The following GNAL variants were observed in gnomAD, a reference collection of about 807,000 sequenced individuals.
GNAL encodes guanine nucleotide-binding protein G(olf) subunit alpha.
Under a neutral mutation model 55.1 loss-of-function variants are expected in GNAL, and 18 were observed. That is an observed-to-expected ratio of 0.33 (90% confidence interval 0.23 to 0.48). The LOEUF (loss-of-function observed/expected upper bound fraction) is 0.48, where lower values mean the gene tolerates loss of function less well. Ranked by LOEUF, GNAL falls within the 20% of genes least tolerant of loss-of-function variation. The pLI is 0.99. For missense variants in GNAL, 412 were observed against 614.1 expected, an observed-to-expected ratio of 0.67 and a Z score of 3.48; for synonymous variants, 253 against 237.0, an observed-to-expected ratio of 1.07 and a Z score of -0.62.
intron 1 of GNAL, among the ~76,000 whole-genome samples, chr18:11,690,589 C>T (rs980689450): frequency 3.9e-4 from 57 of 147,470 alleles, no homozygotes; most frequent in African/African-American, 1.3e-3. Context: ...AGGTATATCT[C>T]CTAAAGCTAT....
At chr18:11,784,667 G>C (rs1361596183) in intron 4 of GNAL, among the ~76,000 whole-genome samples, 4 of 152,214 alleles carry the variant, frequency 2.6e-5, no homozygotes, top group African/African-American at 9.6e-5. Flanking sequence ...AAGTCAAGAA[G>C]TTGGCTGTGG....
rs2034293044 is a variant in GNAL at position 11,793,559 on chromosome 18, A to G, written c.625-31359A>G. On this transcript the variant is annotated intron_variant, in intron 4 of 11. Coordinates refer to ENST00000334049, the MANE Select transcript of GNAL (RefSeq NM_182978.4). ...ATTGTGCCACCACATTGCAGCCTGA[A>G]CAATAGAGCAAGATCCTGTCTCTAA... is the stretch of plus-strand genomic sequence containing the variant. 1.3e-5 allele frequency among the ~76,000 whole-genome samples: 2 copies of G among 150,860 alleles called. 1 individual carries two copies. Among genetic ancestry groups the G allele is most frequent in the South Asian group, 4.2e-4 (2 of 4,796 alleles).
At chr18:11,875,993 C>T (rs2036523227) in intron 10 of GNAL, among the ~76,000 whole-genome samples, 1 of 152,136 alleles carries the variant, frequency 6.6e-6, no homozygotes, top group Non-Finnish European at 1.5e-5. Flanking sequence ...GATATAATCC[C>T]ATCCATGAAG....
At chr18:11,852,447 GT>G in intron 5 of GNAL, 1 of 265,982 alleles carries the variant, frequency 3.8e-6, no homozygotes, top group Non-Finnish European at 7.8e-6. Context: ...AAGGTGGTTG[GT>G]TTTTATTATT....
chr18:11,793,761 T>C (rs560127208), intron 4 of GNAL, among the ~76,000 whole-genome samples: 4 of 151,046 alleles, frequency 2.6e-5, no homozygotes, highest in African/African-American at 7.3e-5. Context: ...GTGCCTCTAC[T>C]AAAAATAAAA....
intron 1 of GNAL, among the ~76,000 whole-genome samples, chr18:11,736,561 T>C (rs886170762): frequency 3.9e-5 from 6 of 152,192 alleles, no homozygotes; most frequent in African/African-American, 1.4e-4. Context: ...TTGCAGAAGG[T>C]GCTTGGTGTG....
In GNAL at chr18:11,884,372, C is replaced by T; in HGVS notation, c.*3237C>T. ...ACGGCCTGTAATTGGTCTCATCATCCACTTGATTCTAACATGATCTCTGCC... is the reference window on the plus strand; with the variant it reads ...ACGGCCTGTAATTGGTCTCATCATCTACTTGATTCTAACATGATCTCTGCC... On this transcript the variant is annotated 3_prime_UTR_variant, in exon 12 of 12. Coordinates refer to ENST00000334049, the MANE Select transcript of GNAL (RefSeq NM_182978.4). The T allele has an allele frequency of 6.9e-7, 1 of 1,454,738 alleles. No homozygotes were observed. Among genetic ancestry groups the T allele is most frequent in the South Asian group, 1.2e-5 (1 of 82,072 alleles). The allele number at this position is 1,454,738 out of a possible 1,614,324, so 90.1% of individuals were successfully genotyped here.
intron 1 of GNAL, among the ~76,000 whole-genome samples, chr18:11,714,622 T>A (rs2031910838): frequency 6.6e-6 from 1 of 152,164 alleles, no homozygotes; most frequent in African/African-American, 2.4e-5. Context: ...CACTGTTAAT[T>A]TATATTGTCA....
chr18:11,809,305 A>C (rs1164645201), intron 4 of GNAL, among the ~76,000 whole-genome samples: 1 of 151,742 alleles, frequency 6.6e-6, no homozygotes, highest in African/African-American at 2.4e-5. Flanking sequence ...AGAAATGAGG[A>C]GTGTCTGCTA....
chr18:11,740,205 G>A (rs1000603588), intron 1 of GNAL, among the ~76,000 whole-genome samples: 2 of 151,938 alleles, frequency 1.3e-5, no homozygotes, highest in African/African-American at 4.8e-5. Flanking sequence ...TCCCACATTT[G>A]GCCAAATGAG....
chr18:11,819,563 A>C (rs900711316), intron 4 of GNAL, among the ~76,000 whole-genome samples: 2 of 152,178 alleles, frequency 1.3e-5, no homozygotes, highest in East Asian at 3.8e-4. Context: ...AATGAAGATC[A>C]CATGGCAATT....
intron 4 of GNAL, among the ~76,000 whole-genome samples, chr18:11,812,932 A>G (rs1230600289): frequency 6.6e-6 from 1 of 152,164 alleles, no homozygotes; most frequent in East Asian, 1.9e-4. Context: ...TATGCTGAAA[A>G]CTACAAAACA....
In GNAL at chr18:11,713,109, CAT is replaced by C. The variant is rs776319841; in HGVS notation, c.376+23171_376+23172del. ...ATCAATGAAAACTGTGTCCACAAGA[CAT>C]GTGTGTACAACACGAAGTGACTTCT... On this transcript the variant is annotated intron_variant, in intron 1 of 11. Transcript: ENST00000334049. 5.3e-4 allele frequency among the ~76,000 whole-genome samples: 81 copies of C among 152,360 alleles called. No homozygotes were observed. The East Asian group carries it at 7.9e-3, about 15-fold the overall frequency.
At chr18:11,797,867 A>G (rs1157681774) in intron 4 of GNAL, among the ~76,000 whole-genome samples, 1 of 152,218 alleles carries the variant, frequency 6.6e-6, no homozygotes, top group Admixed American at 6.5e-5. Flanking sequence ...ACTACTAAAA[A>G]GTCAAACATT....
chr18:11,741,802 C>G (rs1004055944), intron 1 of GNAL, among the ~76,000 whole-genome samples: 2 of 152,212 alleles, frequency 1.3e-5, no homozygotes, highest in African/African-American at 2.4e-5. Flanking sequence ...TCAGGAGACT[C>G]TCTCCCACAA....
At chr18:11,742,151 T>C (rs2032590495) in intron 1 of GNAL, among the ~76,000 whole-genome samples, 1 of 152,216 alleles carries the variant, frequency 6.6e-6, no homozygotes, top group Non-Finnish European at 1.5e-5. Context: ...TTGTTACCTG[T>C]GTGTTCCCAG....
In GNAL at chr18:11,868,469, C is replaced by T. The variant is rs2036316674; in HGVS notation, c.911-74C>T. The T allele has an allele frequency of 7.9e-7, 1 of 1,258,146 alleles. No homozygotes were observed. Among genetic ancestry groups the T allele is most frequent in the Non-Finnish European group, 1.1e-6 (1 of 891,892 alleles). 77.9% of individuals were successfully genotyped at this position (1,258,146 alleles called of 1,614,324 possible). ...ATGTTTTTGTGGAACTGAGTAGCTGCTGGGTGTGTACTTTCTTGTAACTCC... is the reference window on the plus strand; with the variant it reads ...ATGTTTTTGTGGAACTGAGTAGCTGTTGGGTGTGTACTTTCTTGTAACTCC... On this transcript the variant is annotated intron_variant, in intron 8 of 11. Transcript: ENST00000334049. The surrounding 1 kb of genome is among the most constrained non-coding windows in gnomAD (Gnocchi z 4.0).
chr18:11,711,355 A>G (rs933937583), intron 1 of GNAL, among the ~76,000 whole-genome samples: 1 of 151,874 alleles, frequency 6.6e-6, no homozygotes, highest in African/African-American at 2.4e-5. Flanking sequence ...GATTAGCTTA[A>G]TGGTGTCCTA....
chr18:11,690,243 C>G (rs1017746818), intron 1 of GNAL, among the ~76,000 whole-genome samples: 10 of 152,150 alleles, frequency 6.6e-5, no homozygotes, highest in Non-Finnish European at 1.2e-4. Context: ...AAGTCTCCCC[C>G]TCGATTGATC....
Sources: gnomAD v4.1 joint callset for allele counts (sites outside exome capture counted in the v4.1 genomes callset) on GRCh38, gnomAD v4.1.1 for gene constraint, Gnocchi (gnomAD v3.1) non-coding constraint, MANE v1.5 for transcripts, NCBI Gene and HGNC (gene_info 2026-07-23, HGNC 2026-07-21) for gene names.